SORCS3: variants seen among roughly 807,000 people sequenced by gnomAD.
The protein encoded by SORCS3 is VPS10 domain-containing receptor SorCS3.
SORCS3 carries 57 observed loss-of-function variants against 146.3 expected under a neutral mutation model. The observed-to-expected ratio is 0.39, with a 90% CI of 0.31 to 0.49. SORCS3 has a LOEUF of 0.49. SORCS3 is among the 20% of genes least tolerant of loss of function. The pLI, the probability that SORCS3 is intolerant of heterozygous loss-of-function variation, is 0.92. For missense variants in SORCS3, 1,341 were observed against 1,575.5 expected (o/e 0.85, Z 2.52); for synonymous variants, 653 against 618.5 (o/e 1.06, Z -0.83).
chr10:105,194,671 G>A (rs376813423), intron 14 of SORCS3, among the ~76,000 whole-genome samples: 4 of 152,128 alleles, frequency 2.6e-5, no homozygotes, highest in East Asian at 1.9e-4. Flanking sequence ...AGCAACTATT[G>A]TTGATAGGTT....
At chr10:104,885,190 T>G (rs933571692) in intron 2 of SORCS3, among the ~76,000 whole-genome samples, 2 of 152,144 alleles carry the variant, frequency 1.3e-5, no homozygotes, top group Non-Finnish European at 2.9e-5. Flanking sequence ...TTCTTGTAGA[T>G]TCTCATGGGC....
intron 22 of SORCS3, among the ~76,000 whole-genome samples, chr10:105,248,540 C>A (rs528752743): frequency 6.6e-6 from 1 of 151,888 alleles, no homozygotes; most frequent in Admixed American, 6.6e-5. Flanking sequence ...ATGGTGAAAC[C>A]CTGTCTCTAC....
intron 7 of SORCS3, among the ~76,000 whole-genome samples, chr10:105,125,943 G>A (rs911254537): frequency 5.9e-5 from 9 of 152,092 alleles, no homozygotes; most frequent in African/African-American, 2.2e-4. Context: ...GAGGGTGGGG[G>A]TTGGAATCCA....
At position 104,690,397 on chromosome 10, in the gene SORCS3, A is replaced by G. The variant is rs115125959; in HGVS notation, c.627+48443A>G. On this transcript the variant is annotated intron_variant, in intron 1 of 26. Coordinates refer to ENST00000369701, the MANE Select transcript of SORCS3 (RefSeq NM_014978.3). Reference sequence around the variant, plus strand: ...AGCGGTGAAGAATGTCAGTTTGGAAACAGCCTGGAGAGATGATCTTCTCAG... The same window carrying G: ...AGCGGTGAAGAATGTCAGTTTGGAAGCAGCCTGGAGAGATGATCTTCTCAG... 3.1e-3 allele frequency among the ~76,000 whole-genome samples: 474 copies of G among 152,266 alleles called. 2 individuals are homozygous for G. The highest frequency in any genetic ancestry group is 0.011 in the African/African-American group (458 of 41,540).
At chr10:104,908,628 C>T (rs542768868) in intron 2 of SORCS3, among the ~76,000 whole-genome samples, 105 of 152,200 alleles carry the variant, frequency 6.9e-4, no homozygotes, top group Non-Finnish European at 1.0e-3. Flanking sequence ...CTGTGCTCTG[C>T]ACTTTCAGAA....
At position 104,719,045 on chromosome 10, in the gene SORCS3, A is replaced by G. The variant is rs1274176229; in HGVS notation, c.627+77091A>G. On this transcript the variant is annotated intron_variant, in intron 1 of 26. Coordinates refer to ENST00000369701, the MANE Select transcript of SORCS3 (RefSeq NM_014978.3). Reference sequence around the variant, plus strand: ...TGAATGATATATTTTAATTTATTCAATATATCCAAATCTTATTTGAATGTG... The same window carrying G: ...TGAATGATATATTTTAATTTATTCAGTATATCCAAATCTTATTTGAATGTG... Among the ~76,000 whole-genome samples, 39 of 152,194 alleles carry G rather than the reference A, an allele frequency of 2.6e-4. 1 individual carries two copies. The highest frequency in any genetic ancestry group is 2.6e-3 in the Admixed American group (39 of 15,278).
chr10:104,989,912 A>G (rs890207423), intron 4 of SORCS3, among the ~76,000 whole-genome samples: 2 of 152,094 alleles, frequency 1.3e-5, no homozygotes, highest in South Asian at 4.2e-4. Context: ...TGTTATTTCA[A>G]CCCACTTCAA....
chr10:104,925,258 A>G (rs937717318), intron 3 of SORCS3, among the ~76,000 whole-genome samples: 2 of 152,240 alleles, frequency 1.3e-5, no homozygotes, highest in African/African-American at 4.8e-5. Flanking sequence ...TTAATTTTTA[A>G]CTGTAGAACA....
chr10:104,789,293 C>G (rs1486654485), intron 1 of SORCS3, among the ~76,000 whole-genome samples: 1 of 152,184 alleles, frequency 6.6e-6, no homozygotes, highest in Non-Finnish European at 1.5e-5. Context: ...CTGATAGGTG[C>G]CTTGTGAGTC....
intron 2 of SORCS3, among the ~76,000 whole-genome samples, chr10:104,846,313 GATA>G (rs2133549663): frequency 6.6e-6 from 1 of 152,216 alleles, no homozygotes; most frequent in Admixed American, 6.5e-5. Flanking sequence ...TTCCTGTACT[GATA>G]ATGATGTATT....
At chr10:105,208,990 A>G (rs984757459) in intron 16 of SORCS3, among the ~76,000 whole-genome samples, 1 of 152,046 alleles carries the variant, frequency 6.6e-6, no homozygotes, top group Non-Finnish European at 1.5e-5. Context: ...CCACCTTTCT[A>G]TGTAGAAATC....
At chr10:104,656,646 A>G (rs1005026975) in intron 1 of SORCS3, among the ~76,000 whole-genome samples, 1 of 152,112 alleles carries the variant, frequency 6.6e-6, no homozygotes, top group Non-Finnish European at 1.5e-5. Flanking sequence ...CCTGGATGAC[A>G]GAGTGAGACC....
intron 2 of SORCS3, among the ~76,000 whole-genome samples, chr10:104,893,894 A>G (rs1222318817): frequency 1.3e-5 from 2 of 152,046 alleles, no homozygotes; most frequent in Non-Finnish European, 2.9e-5. Flanking sequence ...TGACAAATTT[A>G]TGGCTCTCTC....
At chr10:104,814,243 C>G (rs539203424) in intron 1 of SORCS3, among the ~76,000 whole-genome samples, 4 of 152,086 alleles carry the variant, frequency 2.6e-5, no homozygotes, top group African/African-American at 9.7e-5. Flanking sequence ...CTCTTCCTAC[C>G]TGCAGTGAGT....
intron 1 of SORCS3, among the ~76,000 whole-genome samples, chr10:104,709,136 TC>T (rs2016383587): frequency 1.3e-5 from 2 of 152,228 alleles, no homozygotes; most frequent in Non-Finnish European, 2.9e-5. Context: ...GTTACTTCTT[TC>T]CTTTTTTATT....
At chr10:105,201,835 T>G (rs1414427725) in intron 16 of SORCS3, among the ~76,000 whole-genome samples, 1 of 152,186 alleles carries the variant, frequency 6.6e-6, no homozygotes, top group Non-Finnish European at 1.5e-5. Context: ...TCCTCTTGAT[T>G]CACTATCAGG....
chr10:105,243,567 T>C (rs1261732421), intron 20 of SORCS3, among the ~76,000 whole-genome samples: 1 of 152,148 alleles, frequency 6.6e-6, no homozygotes, highest in African/African-American at 2.4e-5. Flanking sequence ...TATCGATTAA[T>C]TCAGAAGGTC....
chr10:104,909,753 G>A lies in SORCS3; in HGVS notation c.696-6080G>A, dbSNP rs1046791661. The stretch of plus-strand genomic sequence containing the variant: ...GAGCTGCAGTTCAGCTCTACTGAGA[G>A]GCTGACTTGGCTGCATCGACTGGAT... On this transcript the variant is annotated intron_variant, in intron 2 of 26. Transcript: ENST00000369701. Among the ~76,000 whole-genome samples the A allele has an allele frequency of 2.0e-5, 3 of 151,806 alleles. No individual in the cohort carries two copies. The South Asian group carries it at 6.2e-4, about 32-fold the overall frequency.
intron 19 of SORCS3, among the ~76,000 whole-genome samples, chr10:105,219,704 C>A (rs766035872): frequency 3.9e-5 from 6 of 152,128 alleles, no homozygotes; most frequent in Non-Finnish European, 7.4e-5. Context: ...AACTTTGTAC[C>A]TGACATTTTT....
Sources: allele counts gnomAD v4.1 joint callset (sites outside exome capture counted in the v4.1 genomes callset), GRCh38; gene constraint gnomAD v4.1.1; transcripts MANE v1.5; gene names NCBI Gene and HGNC (gene_info 2026-07-23, HGNC 2026-07-21).